The following IFT74 variants were observed in gnomAD, a reference collection of about 807,000 sequenced individuals.
The protein encoded by IFT74 is intraflagellar transport 74, also known as intraflagellar transport protein 74 homolog.
A neutral mutation model predicts 96.7 loss-of-function variants in IFT74; 92 were observed. The ratio of observed to expected loss-of-function variants is 0.95; its 90% CI spans 0.80 to 1.13. The LOEUF (loss-of-function observed/expected upper bound fraction) is 1.13. IFT74 is among the 50% of genes most tolerant of loss of function. IFT74 has a pLI of 0.00. For synonymous variants in IFT74, 223 were observed against 213.2 expected (o/e 1.05, Z -0.40); for missense variants, 811 against 698.2 (o/e 1.16, Z -1.82).
At chr9:26,963,614 G>A (rs1202353796) in intron 2 of IFT74, among the ~76,000 whole-genome samples, 3 of 151,130 alleles carry the variant, frequency 2.0e-5, no homozygotes, top group East Asian at 2.0e-4. Flanking sequence ...ATCCTCTCCA[G>A]CACCTGTTGT....
chr9:27,035,337 A>G (rs1563992025), intron 13 of IFT74, among the ~76,000 whole-genome samples: 1 of 152,244 alleles, frequency 6.6e-6, no homozygotes, highest in Non-Finnish European at 1.5e-5. Context: ...GCATCTATCC[A>G]TTACTATTCT....
At chr9:27,003,260 C>T (rs1828597548) in intron 8 of IFT74, among the ~76,000 whole-genome samples, 1 of 151,924 alleles carries the variant, frequency 6.6e-6, no homozygotes, top group African/African-American at 2.4e-5. Context: ...CAGTGGCTCA[C>T]GCCTGTAATC....
intron 1 of IFT74, among the ~76,000 whole-genome samples, chr9:26,950,517 A>G (rs1481136330): frequency 1.3e-5 from 2 of 152,182 alleles, no homozygotes; most frequent in Non-Finnish European, 2.9e-5. Flanking sequence ...AATTCCTGGC[A>G]TAGTTATTTT....
chr9:26,991,832 C>T (rs536765512), intron 8 of IFT74, among the ~76,000 whole-genome samples: 5 of 152,080 alleles, frequency 3.3e-5, no homozygotes, highest in African/African-American at 1.2e-4. Flanking sequence ...AGATCAAGAC[C>T]ATCCTGGCCA....
rs1209829679 is a variant in IFT74 at position 26,956,442 on chromosome 9, A to G, written c.-94A>G. ...GTGGGTAGGCCTGAGAGCCGAGGAAAACTGAGCGTGGGCCTCAGAAAGAAG... is the reference window on the plus strand; with the variant it reads ...GTGGGTAGGCCTGAGAGCCGAGGAAGACTGAGCGTGGGCCTCAGAAAGAAG... On this transcript the variant is annotated 5_prime_UTR_variant, in exon 1 of 20. Transcript: ENST00000380062. The G allele has an allele frequency of 6.6e-6, 1 of 152,232 alleles. No homozygotes were observed. Among genetic ancestry groups the G allele is most frequent in the Admixed American group, 6.5e-5 (1 of 15,286 alleles). 9.4% of individuals were successfully genotyped at this position (152,232 alleles called of 1,614,324 possible).
At chr9:27,022,802 C>T (rs976057560) in intron 12 of IFT74, among the ~76,000 whole-genome samples, 4 of 152,136 alleles carry the variant, frequency 2.6e-5, no homozygotes, top group East Asian at 3.9e-4. Context: ...GCCACCACAC[C>T]GGCTACTTTT....
At chr9:27,052,743 C>G (rs2131696581) in intron 16 of IFT74, among the ~76,000 whole-genome samples, 1 of 152,210 alleles carries the variant, frequency 6.6e-6, no homozygotes, top group African/African-American at 2.4e-5. Flanking sequence ...TTCTTTCTTT[C>G]CTTCCCTAAC....
chr9:27,052,396 T>TCTG (rs1457476820), intron 16 of IFT74, among the ~76,000 whole-genome samples: 1 of 150,940 alleles, frequency 6.6e-6, no homozygotes, highest in Non-Finnish European at 1.5e-5. Flanking sequence ...TAATCCTAGC[T>TCTG]ACTCAGGAGG....
intron 13 of IFT74, among the ~76,000 whole-genome samples, chr9:27,029,340 TG>T (rs1830014811): frequency 6.6e-6 from 1 of 152,102 alleles, no homozygotes; most frequent in African/African-American, 2.4e-5. Flanking sequence ...CCAAGCAGTT[TG>T]TTTTTTTTTT....
chr9:26,988,832 G>A, intron 7 of IFT74, 104 bp downstream of exon 7: 1 of 1,067,078 alleles, frequency 9.4e-7, no homozygotes. Context: ...TGCTATAGAG[G>A]TGAATATTAC....
intron 8 of IFT74, among the ~76,000 whole-genome samples, chr9:27,000,448 CTG>C (rs894167539): frequency 1.4e-4 from 22 of 152,234 alleles, no homozygotes; most frequent in African/African-American, 4.6e-4. Flanking sequence ...TGACTTAAAA[CTG>C]TGGGAGATGA....
At chr9:26,982,532 C>T (rs187544929) in intron 4 of IFT74, 38 of 281,042 alleles carry the variant, frequency 1.4e-4, no homozygotes, top group Non-Finnish European at 1.8e-4. Flanking sequence ...TCTCTGGCAC[C>T]GCAACCTCCG....
At position 27,056,523 on chromosome 9, in the gene IFT74, A is replaced by AT. The variant is rs1203821501; in HGVS notation, c.1623+70dup. On this transcript the variant is annotated intron_variant, in intron 18 of 19. Transcript: ENST00000380062. ...CTATATTTTCACCCCAAAACAATCA[A>AT]TTTTTTATTTTAAAATTTGCTTTAT... The AT allele has an allele frequency of 5.1e-5, 72 of 1,419,074 alleles. 1 individual carries two copies. In the South Asian group the frequency reaches 6.8e-4, roughly 13 times the overall value. 87.9% of individuals were successfully genotyped at this position (1,419,074 alleles called of 1,614,324 possible).
Position 26,984,535 on chromosome 9 carries a change from A to G in IFT74, c.441A>G (p.Gln147=). 6.2e-7 allele frequency: 1 copy of G among 1,612,248 alleles called. No individual in the cohort carries two copies. The highest frequency in any genetic ancestry group is 8.5e-7 in the Non-Finnish European group (1 of 1,178,722). ...TAGCTGTTGAGATAAAAGAGCTTCA[A>G]GGACAACTAGCAGACTACAACATGG... ...ETLAVEIKEL[Q]GQLADYNMLV... The change falls in exon 6 of 20, where the codon CAA becomes CAG. Residue 147 remains glutamine (Q), a synonymous_variant. Coordinates refer to ENST00000380062, the MANE Select transcript of IFT74 (RefSeq NM_025103.4).
intron 2 of IFT74, among the ~76,000 whole-genome samples, chr9:26,965,923 G>T (rs1826588449): frequency 6.6e-6 from 1 of 151,982 alleles, no homozygotes; most frequent in Non-Finnish European, 1.5e-5. Flanking sequence ...TTAGGATCAT[G>T]GCCTCTGGTT....
At chr9:27,045,014 G>A (rs1819641022) in intron 14 of IFT74, among the ~76,000 whole-genome samples, 1 of 152,198 alleles carries the variant, frequency 6.6e-6, no homozygotes, top group Admixed American at 6.5e-5. Flanking sequence ...GTTGGGGCTA[G>A]ATTCTAAAGC....
At chr9:27,034,808 G>A (rs574141455) in intron 13 of IFT74, among the ~76,000 whole-genome samples, 34 of 152,360 alleles carry the variant, frequency 2.2e-4, no homozygotes, top group African/African-American at 7.0e-4. Context: ...GGGATTACAG[G>A]CGTGAGCCAC....
intron 4 of IFT74, among the ~76,000 whole-genome samples, chr9:26,980,911 C>A (rs892898016): frequency 1.1e-4 from 16 of 152,046 alleles, no homozygotes; most frequent in African/African-American, 3.9e-4. Flanking sequence ...AATAAAATAC[C>A]TGAGATTGGG....
At chr9:26,953,698 G>GGGC (rs1343129510), upstream of IFT74, among the ~76,000 whole-genome samples, 1 of 151,798 alleles carries the variant, frequency 6.6e-6, no homozygotes, top group African/African-American at 2.4e-5. Flanking sequence ...TTTTGTAGGG[G>GGGC]GGGGGTCTCA....
Sources: allele counts gnomAD v4.1 joint callset (sites outside exome capture counted in the v4.1 genomes callset), GRCh38; gene constraint gnomAD v4.1.1; transcripts MANE v1.5; gene names NCBI Gene and HGNC (gene_info 2026-07-23, HGNC 2026-07-21).